Variants in TOPAZ1 observed in about 807,000 individuals in gnomAD.
The protein encoded by TOPAZ1 is protein TOPAZ1.
Under a neutral mutation model 172.2 loss-of-function variants are expected in TOPAZ1, and 66 were observed. The observed-to-expected ratio is 0.38, with a 90% CI of 0.31 to 0.47. TOPAZ1 has a LOEUF of 0.47. TOPAZ1 is among the 20% of genes least tolerant of loss of function. TOPAZ1 has a pLI of 0.99. For synonymous variants in TOPAZ1, 681 were observed against 683.9 expected, an observed-to-expected ratio of 1.00 and a Z score of 0.07; for missense variants, 1,822 against 1,972.4, an observed-to-expected ratio of 0.92 and a Z score of 1.44.
intron 16 of TOPAZ1, among the ~76,000 whole-genome samples, chr3:44,315,722 C>T (rs1236249680): frequency 6.6e-6 from 1 of 151,966 alleles, no homozygotes; most frequent in Admixed American, 6.6e-5. Flanking sequence ...GCTGTGTTAG[C>T]CCAGGCCATC....
chr3:44,247,801 C>T (rs1054702884), intron 2 of TOPAZ1, among the ~76,000 whole-genome samples: 2 of 152,158 alleles, frequency 1.3e-5, no homozygotes, highest in African/African-American at 4.8e-5. Context: ...AGGCACATGC[C>T]ACCACTCCTG....
At position 44,298,826 on chromosome 3, in the gene TOPAZ1, C is replaced by CTA. The variant is rs556300093; in HGVS notation, c.3798-5179_3798-5178dup. 6.6e-4 allele frequency among the ~76,000 whole-genome samples: 81 copies of CTA among 123,348 alleles called. 2 individuals carry two copies. The highest frequency in any genetic ancestry group is 1.9e-3 in the African/African-American group (63 of 33,972). 80.9% of individuals were successfully genotyped at this position (123,348 alleles called of 152,430 possible). On this transcript the variant is annotated intron_variant, in intron 12 of 19. Transcript: ENST00000309765. ...AAAAAATAGGGGAAAATTTGGAAAC[C>CTA]TATATATATATGTTTATATATATTA...
In TOPAZ1 at chr3:44,241,985, A is replaced by G. The variant is rs1434131888; in HGVS notation, c.-69A>G. The G allele has an allele frequency of 4.3e-6, 6 of 1,409,614 alleles. No homozygotes were observed. The highest frequency in any genetic ancestry group is 5.0e-5 in the East Asian group (2 of 39,882). The allele number at this position is 1,409,614 out of a possible 1,614,324, so 87.3% of individuals were successfully genotyped here. On this transcript the variant is annotated 5_prime_UTR_variant, in exon 1 of 20. Transcript: ENST00000309765. ...GCAGTAGGTACCTCCAGGCGGGAGCAGCGTTTGCACCGCGGTGGGTTCCTG... is the reference window on the plus strand; with the variant it reads ...GCAGTAGGTACCTCCAGGCGGGAGCGGCGTTTGCACCGCGGTGGGTTCCTG...
At chr3:44,283,697 TTCTC>T (rs1178345811) in intron 9 of TOPAZ1, among the ~76,000 whole-genome samples, 5 of 152,180 alleles carry the variant, frequency 3.3e-5, no homozygotes, top group East Asian at 1.9e-4. Context: ...TTTTCATTTG[TTCTC>T]TCTCTCCTTC....
intron 17 of TOPAZ1, among the ~76,000 whole-genome samples, chr3:44,321,451 T>C (rs1300825872): frequency 6.6e-6 from 1 of 152,230 alleles, no homozygotes; most frequent in Non-Finnish European, 1.5e-5. Context: ...TCCCTACTTC[T>C]GTCAAGTCAT....
chr3:44,302,669 G>A lies in TOPAZ1; in HGVS notation c.3798-1346G>A, dbSNP rs146203478. Among the ~76,000 whole-genome samples the A allele has an allele frequency of 7.8e-3, 1,186 of 152,110 alleles. 12 individuals are homozygous for A. Among genetic ancestry groups the A allele is most frequent in the Middle Eastern group, 0.014 (4 of 294 alleles). On this transcript the variant is annotated intron_variant, in intron 12 of 19. Transcript: ENST00000309765. ...TTTTCCTGGATCTTCTTGGATGTAC[G>A]CTTCTCCATATATTTAGTATCAACT...
chr3:44,308,355 C>T (rs759160470), intron 15 of TOPAZ1, among the ~76,000 whole-genome samples: 1 of 150,328 alleles, frequency 6.7e-6, no homozygotes, highest in Non-Finnish European at 1.5e-5. Context: ...TCAATTCCCA[C>T]CTATGAGTGG....
At chr3:44,273,949 C>T (rs934996170) in intron 8 of TOPAZ1, among the ~76,000 whole-genome samples, 1 of 152,084 alleles carries the variant, frequency 6.6e-6, no homozygotes, top group Non-Finnish European at 1.5e-5. Context: ...AAGTGCTTTA[C>T]GTATATTAAC....
intron 11 of TOPAZ1, 50 bp from the exon 12 acceptor site, chr3:44,290,721 T>C (rs1559538977): frequency 8.3e-7 from 1 of 1,207,110 alleles, no homozygotes; most frequent in East Asian, 2.6e-5. Flanking sequence ...GGCTCCTCAA[T>C]TCTGTCACAT....
In TOPAZ1 at chr3:44,305,177, T is replaced by C. The variant is rs1300278324; in HGVS notation, c.3895T>C (p.Leu1299=). 2 of 1,531,214 alleles carry C rather than the reference T, an allele frequency of 1.3e-6. No individual in the cohort carries two copies. The highest frequency in any genetic ancestry group is 1.8e-6 in the Non-Finnish European group (2 of 1,140,640). 94.9% of individuals were successfully genotyped at this position (1,531,214 alleles called of 1,614,324 possible). A position where few individuals can be genotyped will look rare whatever the true frequency, so the allele number is the denominator to read the frequency against. The change falls in exon 14 of 20, where the codon TTG becomes CTG. Residue 1299 remains leucine, a synonymous_variant. Transcript: ENST00000309765. The stretch of plus-strand genomic sequence containing the variant: ...TAAAGAAAAAGGTGACTGGACCAAA[T>C]TGGGAAAATTATACATTAACGTAAA... ...HCKEKGDWTK[L]GKLYINVKMG... is the part of the protein sequence containing the mutation.
At position 44,242,468 on chromosome 3, in the gene TOPAZ1, A is replaced by G. The variant is rs548965778; in HGVS notation, c.346+69A>G. The G allele has an allele frequency of 2.1e-5, 30 of 1,455,746 alleles. No homozygotes were observed. The Middle Eastern group carries it at 5.2e-4, about 25-fold the overall frequency. The allele number at this position is 1,455,746 out of a possible 1,614,324, so 90.2% of individuals were successfully genotyped here. On this transcript the variant is annotated intron_variant, in intron 1 of 19. Transcript: ENST00000309765. ...CAGCGTGCTCCATCTTTGTTTTACC[A>G]CTAGTCTTTAACTTGAACCTGCATG...
At position 44,255,007 on chromosome 3, in the gene TOPAZ1, C is replaced by T. The variant is rs1227264221; in HGVS notation, c.2805C>T (p.Asp935=). 3 of 1,551,368 alleles carry T rather than the reference C, an allele frequency of 1.9e-6. No homozygotes were observed. In the African/African-American group the frequency reaches 4.1e-5, roughly 21 times the overall value. ...PVLDCGWIKP[D]ICASNSAESE... Reference sequence around the variant, plus strand: ...TGGACTGTGGATGGATAAAGCCAGACATCTGTGCTTCCAACTCAGCAGGTA... The same window carrying T: ...TGGACTGTGGATGGATAAAGCCAGATATCTGTGCTTCCAACTCAGCAGGTA... The change falls in exon 3 of 20, where the codon GAC becomes GAT. Residue 935 remains aspartate, a synonymous_variant. Coordinates refer to ENST00000309765, the MANE Select transcript of TOPAZ1 (RefSeq NM_001145030.2).
chr3:44,255,541 A>C (rs1034342820), intron 3 of TOPAZ1, among the ~76,000 whole-genome samples: 1 of 151,668 alleles, frequency 6.6e-6, no homozygotes, highest in African/African-American at 2.4e-5. Flanking sequence ...AGTCCCAGCT[A>C]CTTGGGAGGC....
In TOPAZ1 at chr3:44,244,598, A is replaced by G. The variant is rs1396333049; in HGVS notation, c.2092A>G (p.Lys698Glu). 3 of 1,550,596 alleles carry G rather than the reference A, an allele frequency of 1.9e-6. No individual in the cohort carries two copies. In the South Asian group the frequency reaches 3.6e-5, roughly 19 times the overall value. ...KIPLLKNKSEKRKEVNAKSSE... is the reference protein window; with the variant it reads ...KIPLLKNKSEERKEVNAKSSE... ...TCCTTTACTTAAGAATAAATCAGAAAAAAGAAAAGAAGTAAATGCCAAGTC... is the reference window on the plus strand; with the variant it reads ...TCCTTTACTTAAGAATAAATCAGAAGAAAGAAAAGAAGTAAATGCCAAGTC... Residue 698 changes from lysine (K) to glutamate (E), a missense_variant, in exon 2 of 20, where the codon AAA (lysine) becomes GAA (glutamate). Physicochemically the swap from Lys to Glu is moderately conservative, Grantham distance 56. Around this residue, in one of 2 missense-constraint regions of TOPAZ1, gnomAD observed 1,489 missense variants for 1,490.8 expected, o/e 1.00. Coordinates refer to ENST00000309765, the MANE Select transcript of TOPAZ1 (RefSeq NM_001145030.2).
At chr3:44,291,655 C>CCA (rs1267962257) in intron 12 of TOPAZ1, among the ~76,000 whole-genome samples, 2 of 142,896 alleles carry the variant, frequency 1.4e-5, no homozygotes, top group Admixed American at 7.0e-5. Context: ...ACAAGTGGTA[C>CCA]CATAATGTAC....
chr3:44,284,157 G>A lies in TOPAZ1; in HGVS notation c.3436+2126G>A, dbSNP rs1700053835. ...TTTACCATTTTAAACATTTTTAAGTGTACGATTCACTGGCATATTAAGTAC... is the reference window on the plus strand; with the variant it reads ...TTTACCATTTTAAACATTTTTAAGTATACGATTCACTGGCATATTAAGTAC... On this transcript the variant is annotated intron_variant, in intron 9 of 19. Transcript: ENST00000309765. Among the ~76,000 whole-genome samples the A allele has an allele frequency of 2.0e-5, 3 of 152,150 alleles. No homozygotes were observed. The South Asian group carries it at 6.2e-4, about 32-fold the overall frequency.
Position 44,245,134 on chromosome 3 carries a change from C to G in TOPAZ1, c.2628C>G (p.Val876=). ...AAGATGACCCAGACCTCTTTGGAGT[C>G]TCCAATGAAGGGGAGCTCTCATTTA... ...VIQDDPDLFG[V]SNEGELSFTS... Residue 876 remains valine, a synonymous_variant, in exon 2 of 20, where the codon GTC becomes GTG. Transcript: ENST00000309765. 1 of 1,552,024 alleles carries G rather than the reference C, an allele frequency of 6.4e-7. No individual in the cohort carries two copies. Among genetic ancestry groups the G allele is most frequent in the African/African-American group, 1.4e-5 (1 of 73,160 alleles).
intron 15 of TOPAZ1, among the ~76,000 whole-genome samples, chr3:44,307,231 A>G (rs1245813537): frequency 6.6e-6 from 1 of 152,126 alleles, no homozygotes; most frequent in Non-Finnish European, 1.5e-5. Context: ...CATGTTGGTC[A>G]GGCTGGTCTC....
intron 12 of TOPAZ1, among the ~76,000 whole-genome samples, chr3:44,294,726 G>C (rs998611883): frequency 6.6e-6 from 1 of 152,044 alleles, no homozygotes; most frequent in African/African-American, 2.4e-5. Context: ...GTCTGGTCTC[G>C]AACTCCTGGG....
Sources: allele counts gnomAD v4.1 joint callset (sites outside exome capture counted in the v4.1 genomes callset), GRCh38; gene constraint gnomAD v4.1.1; regional missense constraint gnomAD v4.1.1; transcripts MANE v1.5; gene names NCBI Gene and HGNC (gene_info 2026-07-23, HGNC 2026-07-21).